SLFN11: variants seen among roughly 807,000 people sequenced by gnomAD.
SLFN11 encodes the protein schlafen family member 11.
In SLFN11, 43 loss-of-function variants were observed where a neutral mutation model predicts 53.4. That is an observed-to-expected ratio of 0.80 (90% confidence interval 0.63 to 1.04). The LOEUF is 1.04. Among genes scored for constraint, SLFN11 ranks in the 50% least tolerant of loss-of-function variants. SLFN11 has a pLI of 0.00. For missense variants in SLFN11, 990 were observed against 1,079.1 expected (o/e 0.92, Z 1.16); for synonymous variants, 389 against 394.7 (o/e 0.99, Z 0.17).
At chr17:35,353,274 T>G (rs904752532) in intron 6 of SLFN11, 62 bp downstream of exon 6, 135 of 1,610,292 alleles carry the variant, frequency 8.4e-5, no homozygotes, top group Non-Finnish European at 1.1e-4. Context: ...AGACGGTGAC[T>G]TAGCAGAAAA....
rs1329731795 is a variant in SLFN11, at chr17:35,363,588, C to T, written c.220G>A (p.Gly74Arg). ...AKKVEHPVEM[G>R]LDLEQSLREL... Reference sequence around the variant, plus strand: ...CTCAAAGACTGTTCTAAATCCAGTCCCATCTCCACGGGATGCTCAACCTTC... The same window carrying T: ...CTCAAAGACTGTTCTAAATCCAGTCTCATCTCCACGGGATGCTCAACCTTC... The change falls in exon 4 of 7, where the codon GGA becomes AGA. Residue 74 changes from glycine to arginine, a missense_variant. By Grantham distance (125) the Gly-to-Arg change is moderately radical (BLOSUM62 -2). Transcript: ENST00000685675. The T allele has an allele frequency of 3.7e-6, 6 of 1,613,662 alleles. No homozygotes were observed. The African/African-American group carries it at 6.7e-5, about 18-fold the overall frequency.
At chr17:35,366,345 A>G (rs1363547690) in intron 3 of SLFN11, among the ~76,000 whole-genome samples, 4 of 152,176 alleles carry the variant, frequency 2.6e-5, no homozygotes, top group Non-Finnish European at 4.4e-5. Flanking sequence ...CAAAAAGATC[A>G]ATATAATCAA....
chr17:35,364,801 TAG>T (rs1908751009), intron 3 of SLFN11, among the ~76,000 whole-genome samples: 1 of 152,256 alleles, frequency 6.6e-6, no homozygotes, highest in South Asian at 2.1e-4. Context: ...CACAGGTGTT[TAG>T]TAAAGGAATC....
At chr17:35,370,993 A>G (rs1909578037) in intron 1 of SLFN11, among the ~76,000 whole-genome samples, 1 of 152,126 alleles carries the variant, frequency 6.6e-6, no homozygotes, top group Non-Finnish European at 1.5e-5. Flanking sequence ...TAGAACCACA[A>G]AAGACCTATA....
chr17:35,364,944 G>A (rs767633200), intron 3 of SLFN11, among the ~76,000 whole-genome samples: 10 of 151,988 alleles, frequency 6.6e-5, no homozygotes, highest in Non-Finnish European at 7.4e-5. Context: ...TGTAGCTGGA[G>A]GAAAAGAGGA....
intron 4 of SLFN11, among the ~76,000 whole-genome samples, chr17:35,362,495 A>C (rs929405573): frequency 6.6e-6 from 1 of 152,168 alleles, no homozygotes; most frequent in African/African-American, 2.4e-5. Flanking sequence ...AAGGGTGGCC[A>C]TTCTCAAATA....
intron 1 of SLFN11, among the ~76,000 whole-genome samples, 197 bp from the exon 2 acceptor site, chr17:35,367,897 A>G (rs376494684): frequency 1.3e-5 from 2 of 151,922 alleles, no homozygotes; most frequent in Admixed American, 6.6e-5. Context: ...ATGCCCCAGG[A>G]TCTAGTCCTG....
intron 1 of SLFN11, among the ~76,000 whole-genome samples, chr17:35,371,769 G>C (rs1001273939): frequency 6.6e-6 from 1 of 152,042 alleles, no homozygotes; most frequent in Non-Finnish European, 1.5e-5. Flanking sequence ...ACTACAATGA[G>C]ATACCATCTC....
intron 5 of SLFN11, among the ~76,000 whole-genome samples, chr17:35,354,787 G>A (rs1907253885): frequency 6.6e-6 from 1 of 152,130 alleles, no homozygotes; most frequent in African/African-American, 2.4e-5. Flanking sequence ...AAAGTGGGAG[G>A]GGGAGGAAGA....
chr17:35,360,180 G>C (rs1908018378), intron 5 of SLFN11, 63 bp downstream of exon 5: 1 of 1,518,740 alleles, frequency 6.6e-7, no homozygotes, highest in Admixed American at 2.1e-5. Flanking sequence ...AAATATTATA[G>C]TTTAATCTCC....
At chr17:35,358,387 A>G (rs1458967958) in intron 5 of SLFN11, among the ~76,000 whole-genome samples, 1 of 151,584 alleles carries the variant, frequency 6.6e-6, no homozygotes, top group Non-Finnish European at 1.5e-5. Context: ...ATCTTCTTCC[A>G]TTTTAATCCC....
intron 5 of SLFN11, among the ~76,000 whole-genome samples, chr17:35,358,571 G>A (rs1028280841): frequency 6.6e-6 from 1 of 151,392 alleles, no homozygotes; most frequent in Non-Finnish European, 1.5e-5. Context: ...TAATGTTAAA[G>A]AACTATAGGT....
At position 35,352,196 on chromosome 17, in the gene SLFN11, G is replaced by C. The variant is rs757263342; in HGVS notation, c.*160C>G. The C allele has an allele frequency of 1.1e-6, 1 of 886,788 alleles. No homozygotes were observed. Among genetic ancestry groups the C allele is most frequent in the East Asian group, 2.6e-5 (1 of 38,392 alleles). 54.9% of individuals were successfully genotyped at this position (886,788 alleles called of 1,614,324 possible). On this transcript the variant is annotated 3_prime_UTR_variant, in exon 7 of 7. Coordinates refer to ENST00000685675, the MANE Select transcript of SLFN11 (RefSeq NM_001376007.1). ...CAGCCACCGCTGCTGAAAGGGTTGG[G>C]GAAGGAACCCCTGAAAGGAGAGCCA...
Position 35,363,378 on chromosome 17 carries a change from C to A in SLFN11, c.430G>T (p.Asp144Tyr). ...AGGAAACAGAATGCCTCTCTTGAGT[C>A]CATGGAACGCACAGAGGTCTCAGAT... ...RRSETSVRSMDSREAFCFLKT... is the reference protein window; with the variant it reads ...RRSETSVRSMYSREAFCFLKT... Residue 144 changes from aspartate (D) to tyrosine (Y), a missense_variant, in exon 4 of 7, where the codon GAC (aspartate) becomes TAC (tyrosine). By Grantham distance (160) the Asp-to-Tyr change is radical (BLOSUM62 -3). Transcript: ENST00000685675. 2 of 1,613,960 alleles carry A rather than the reference C, an allele frequency of 1.2e-6. No homozygotes were observed. The highest frequency in any genetic ancestry group is 1.7e-6 in the Non-Finnish European group (2 of 1,179,976).
In SLFN11 at chr17:35,352,648, G is replaced by A; in HGVS notation, c.2414C>T (p.Ser805Phe). 1 of 1,614,136 alleles carries A rather than the reference G, an allele frequency of 6.2e-7. No individual in the cohort carries two copies. The highest frequency in any genetic ancestry group is 8.5e-7 in the Non-Finnish European group (1 of 1,180,036). ...TCRRFFDRGYSPKDVAVLVST... is the reference protein window; with the variant it reads ...TCRRFFDRGYFPKDVAVLVST... ...GACAAGCACAGCAACATCCTTTGGA[G>A]AATAGCCCCTATCAAAGAAGCGCCT... The change falls in exon 7 of 7, where the codon TCT becomes TTT. Residue 805 changes from serine to phenylalanine, a missense_variant. By Grantham distance (155) the Ser-to-Phe change is radical. Transcript: ENST00000685675.
At chr17:35,356,835 A>AC (rs1228840161) in intron 5 of SLFN11, among the ~76,000 whole-genome samples, 1 of 130,616 alleles carries the variant, frequency 7.7e-6, no homozygotes, top group Non-Finnish European at 1.7e-5. Flanking sequence ...CACACACATA[A>AC]TAAAATCCCA....
At chr17:35,363,997 A>T (rs1908624672) in intron 3 of SLFN11, among the ~76,000 whole-genome samples, 171 bp from the exon 4 acceptor site, 1 of 152,174 alleles carries the variant, frequency 6.6e-6, no homozygotes, top group African/African-American at 2.4e-5. Context: ...TGAAATTAGC[A>T]TTTAACATCA....
chr17:35,352,870 A>G lies in SLFN11; in HGVS notation c.2192T>C (p.Val731Ala), dbSNP rs1906902369. 1.2e-6 allele frequency: 2 copies of G among 1,614,090 alleles called. No homozygotes were observed. The highest frequency in any genetic ancestry group is 1.3e-5 in the African/African-American group (1 of 74,916). Reference sequence around the variant, plus strand: ...CTTGGCTATTGGATCTGCATTGCGAACTATTCTGGTGAGCTCTTCTCTTGG... The same window carrying G: ...CTTGGCTATTGGATCTGCATTGCGAGCTATTCTGGTGAGCTCTTCTCTTGG... ...QYPREELTRIVRNADPIAKYL... is the reference protein window; with the variant it reads ...QYPREELTRIARNADPIAKYL... Residue 731 changes from valine (V) to alanine (A), a missense_variant, in exon 7 of 7, where the codon GTT becomes GCT. Physicochemically the swap from Val to Ala is moderately conservative, Grantham distance 64. Coordinates refer to ENST00000685675, the MANE Select transcript of SLFN11 (RefSeq NM_001376007.1).
At chr17:35,364,516 G>T (rs1242160878) in intron 3 of SLFN11, among the ~76,000 whole-genome samples, 1 of 152,108 alleles carries the variant, frequency 6.6e-6, no homozygotes, top group Non-Finnish European at 1.5e-5. Flanking sequence ...GTAAAATTAA[G>T]GTTATTGGTG....
Sources: allele counts gnomAD v4.1 joint callset (sites outside exome capture counted in the v4.1 genomes callset), GRCh38; gene constraint gnomAD v4.1.1; transcripts MANE v1.5; gene names NCBI Gene and HGNC (gene_info 2026-07-23, HGNC 2026-07-21).